LYPLAL1: variants seen among roughly 807,000 people sequenced by gnomAD.
LYPLAL1 encodes the protein lysophospholipase-like protein 1.
In LYPLAL1, 23 loss-of-function variants were observed where a neutral mutation model predicts 19.7. That is an observed-to-expected ratio of 1.17 (90% CI 0.84 to 1.65). The LOEUF (loss-of-function observed/expected upper bound fraction) is 1.65, where lower values mean the gene tolerates loss of function less well. Ranked by LOEUF, LYPLAL1 falls within the 40% of genes most tolerant of loss-of-function variation. The pLI, the probability that LYPLAL1 is intolerant of heterozygous loss-of-function variation, is 0.00. For missense variants in LYPLAL1, 355 were observed against 279.4 expected (o/e 1.27, Z -1.93); for synonymous variants, 119 against 96.3 (o/e 1.24, Z -1.38).
chr1:219,258,445 C>T, the LYPLAL1 span, among the ~76,000 whole-genome samples: 7 of 152,006 alleles, frequency 4.6e-5, no homozygotes, highest in Non-Finnish European at 8.8e-5. Flanking sequence ...TCCCTCCGTT[C>T]GGGGTCCCTG....
the LYPLAL1 span, among the ~76,000 whole-genome samples, chr1:219,321,354 T>A: frequency 6.6e-6 from 1 of 152,228 alleles, no homozygotes. Flanking sequence ...CTTTGTCAGA[T>A]GGGTAGATTG....
chr1:219,234,903 A>C, the LYPLAL1 span, among the ~76,000 whole-genome samples: 3 of 152,176 alleles, frequency 2.0e-5, no homozygotes, highest in Non-Finnish European at 4.4e-5. Flanking sequence ...GCAAACTGAG[A>C]ATTTCATCTT....
the LYPLAL1 span, among the ~76,000 whole-genome samples, chr1:219,261,691 T>A: frequency 6.6e-6 from 1 of 152,222 alleles, no homozygotes; most frequent in Non-Finnish European, 1.5e-5. Flanking sequence ...TGAAGATAGA[T>A]CCTCAATCCC....
downstream of LYPLAL1, among the ~76,000 whole-genome samples, chr1:219,216,685 G>A (rs1485574260): frequency 6.6e-6 from 1 of 151,976 alleles, no homozygotes; most frequent in East Asian, 1.9e-4. Context: ...AATTGCGGGG[G>A]CACCTCTGCA....
the LYPLAL1 span, among the ~76,000 whole-genome samples, chr1:219,254,321 G>A: frequency 1.3e-5 from 2 of 151,894 alleles, no homozygotes; most frequent in African/African-American, 4.8e-5. Context: ...TTTTGTCATT[G>A]TGCTGTTAGC....
At chr1:219,404,100 G>A in the LYPLAL1 span, among the ~76,000 whole-genome samples, 4 of 152,090 alleles carry the variant, frequency 2.6e-5, no homozygotes, top group Non-Finnish European at 5.9e-5. Flanking sequence ...GGGAGGGAAA[G>A]AGGGAGAGAG....
chr1:219,211,462 A>G (rs1659031709), intron 4 of LYPLAL1, 30 bp from the exon 5 acceptor site: 2 of 1,390,794 alleles, frequency 1.4e-6, no homozygotes, highest in Non-Finnish European at 2.0e-6. Flanking sequence ...AATTTCTTAA[A>G]CTTTTCTGTC....
chr1:219,239,013 G>C, the LYPLAL1 span, among the ~76,000 whole-genome samples: 2 of 152,094 alleles, frequency 1.3e-5, no homozygotes, highest in Non-Finnish European at 2.9e-5. Context: ...GTGCTGATGA[G>C]GGTTTGTCCC....
At chr1:219,176,019 C>T (rs1053774197) in intron 1 of LYPLAL1, among the ~76,000 whole-genome samples, 2 of 152,090 alleles carry the variant, frequency 1.3e-5, no homozygotes, top group Non-Finnish European at 2.9e-5. Context: ...CTCTTCGAGG[C>T]TGAAAAAATG....
chr1:219,191,611 T>A (rs1657187615), intron 2 of LYPLAL1, among the ~76,000 whole-genome samples: 1 of 151,578 alleles, frequency 6.6e-6, no homozygotes, highest in South Asian at 2.1e-4. Flanking sequence ...ATATTTCAGA[T>A]CATTTACACA....
At chr1:219,259,078 CT>C in the LYPLAL1 span, among the ~76,000 whole-genome samples, 3 of 151,836 alleles carry the variant, frequency 2.0e-5, no homozygotes, top group African/African-American at 7.3e-5. Context: ...CACCTTACTC[CT>C]GCAAAAATGG....
the LYPLAL1 span, among the ~76,000 whole-genome samples, chr1:219,423,076 C>T: frequency 6.6e-6 from 1 of 152,112 alleles, no homozygotes; most frequent in Non-Finnish European, 1.5e-5. Flanking sequence ...TTTTTCCCAC[C>T]TTGATGTTTT....
At chr1:219,217,107 C>G (rs1001652101), downstream of LYPLAL1, among the ~76,000 whole-genome samples, 3 of 152,098 alleles carry the variant, frequency 2.0e-5, no homozygotes, top group Non-Finnish European at 4.4e-5. Flanking sequence ...CTTTTAATGA[C>G]CTTCACTTTG....
At chr1:219,325,863 G>A in the LYPLAL1 span, among the ~76,000 whole-genome samples, 1 of 152,078 alleles carries the variant, frequency 6.6e-6, no homozygotes, top group Admixed American at 6.5e-5. Flanking sequence ...AGAATTTGGG[G>A]GAAATATAAG....
At chr1:219,183,224 T>A (rs545816076) in intron 2 of LYPLAL1, among the ~76,000 whole-genome samples, 2 of 152,228 alleles carry the variant, frequency 1.3e-5, no homozygotes, top group South Asian at 4.1e-4. Flanking sequence ...ATTGAGCATT[T>A]AAATATCCTC....
the LYPLAL1 span, among the ~76,000 whole-genome samples, chr1:219,366,245 A>C: frequency 1.9e-4 from 29 of 152,238 alleles, no homozygotes; most frequent in Non-Finnish European, 3.7e-4. Flanking sequence ...TGAATGTTTA[A>C]ATATCCAATA....
chr1:219,330,847 TTGAC>T, the LYPLAL1 span, among the ~76,000 whole-genome samples: 1 of 152,204 alleles, frequency 6.6e-6, no homozygotes, highest in Non-Finnish European at 1.5e-5. Context: ...AGACTATTGA[TTGAC>T]TGTTGTTTGA....
the LYPLAL1 span, among the ~76,000 whole-genome samples, chr1:219,425,665 G>C: frequency 1.3e-5 from 2 of 152,128 alleles, no homozygotes; most frequent in African/African-American, 4.8e-5. Context: ...AAAGAATTTA[G>C]TATAGGACCT....
rs79100257 is a variant in LYPLAL1 at position 219,175,889 on chromosome 1, C to G, written c.91+1908C>G. Among the ~76,000 whole-genome samples, 1,056 of 152,286 alleles carry G rather than the reference C, an allele frequency of 6.9e-3. 14 individuals are homozygous for G. The highest frequency in any genetic ancestry group is 0.023 in the African/African-American group (960 of 41,540). ...TATGGGCAAACCAATTCTGTTTTAT[C>G]ACACTCAGTTTTGCCATACTGTTAA... On this transcript the variant is annotated intron_variant, in intron 1 of 4. Coordinates refer to ENST00000366928, the MANE Select transcript of LYPLAL1 (RefSeq NM_138794.5).
Sources: allele counts gnomAD v4.1 joint callset (sites outside exome capture counted in the v4.1 genomes callset), GRCh38; gene constraint gnomAD v4.1.1; transcripts MANE v1.5; gene names NCBI Gene and HGNC (gene_info 2026-07-23, HGNC 2026-07-21).